Variants in RGS7 observed in about 807,000 individuals in gnomAD.
RGS7 encodes regulator of G-protein signaling 7.
Under a neutral mutation model 81.1 loss-of-function variants are expected in RGS7, and 27 were observed. The ratio of observed to expected loss-of-function variants is 0.33; its 90% CI spans 0.25 to 0.46. The LOEUF (loss-of-function observed/expected upper bound fraction) is 0.46. Ranked by LOEUF, RGS7 falls within the 20% of genes least tolerant of loss-of-function variation. The probability of loss-of-function intolerance (pLI) is 1.00; values close to 1 mark genes in which losing one functional copy is unlikely to be tolerated. For missense variants in RGS7, 396 were observed against 607.4 expected (o/e 0.65, Z 3.66); for synonymous variants, 208 against 207.7 (o/e 1.00, Z -0.01).
At chr1:241,115,398 A>C (rs1486263639) in intron 2 of RGS7, among the ~76,000 whole-genome samples, 1 of 152,202 alleles carries the variant, frequency 6.6e-6, no homozygotes, top group East Asian at 1.9e-4. Flanking sequence ...TATACTGCCC[A>C]GTTAAGAGCC....
At chr1:240,848,662 A>G (rs1228908793) in intron 9 of RGS7, among the ~76,000 whole-genome samples, 1 of 151,942 alleles carries the variant, frequency 6.6e-6, no homozygotes, top group Non-Finnish European at 1.5e-5. Context: ...AAACCTAACA[A>G]GAAATGCATG....
chr1:241,331,781 A>T (rs1314850637), intron 2 of RGS7, among the ~76,000 whole-genome samples: 1 of 152,210 alleles, frequency 6.6e-6, no homozygotes, highest in Non-Finnish European at 1.5e-5. Flanking sequence ...TACAGCTTCT[A>T]TTCAGATATC....
At chr1:241,085,241 T>C (rs7511849) in intron 3 of RGS7, among the ~76,000 whole-genome samples, 37,703 of 152,090 alleles carry the variant, frequency 0.25, 6,413 homozygotes, top group African/African-American at 0.48. Flanking sequence ...TTAATGAATA[T>C]CAAGAACACG....
At chr1:241,270,968 A>T (rs549355574) in intron 2 of RGS7, among the ~76,000 whole-genome samples, 2 of 152,098 alleles carry the variant, frequency 1.3e-5, no homozygotes, top group African/African-American at 2.4e-5. Flanking sequence ...CGTGTTAGCC[A>T]GGATGGTCTC....
At chr1:240,803,086 T>C in intron 15 of RGS7, 93 bp from the exon 16 acceptor site, 1 of 856,016 alleles carries the variant, frequency 1.2e-6, no homozygotes, top group Non-Finnish European at 2.0e-6. Context: ...ACAAATCTAG[T>C]AGCAGCGAAA....
intron 2 of RGS7, among the ~76,000 whole-genome samples, chr1:241,277,020 G>A (rs1042402836): frequency 6.6e-6 from 1 of 152,132 alleles, no homozygotes; most frequent in African/African-American, 2.4e-5. Flanking sequence ...ATCCTAAGAT[G>A]TGCATACAAA....
At chr1:240,851,242 G>T (rs752270275) in intron 9 of RGS7, among the ~76,000 whole-genome samples, 12 of 152,156 alleles carry the variant, frequency 7.9e-5, no homozygotes, top group Non-Finnish European at 1.3e-4. Flanking sequence ...TGATCATTCC[G>T]AAAATTCTAG....
chr1:240,786,675 C>T (rs1241532943), intron 18 of RGS7, among the ~76,000 whole-genome samples: 1 of 152,106 alleles, frequency 6.6e-6, no homozygotes, highest in Non-Finnish European at 1.5e-5. Context: ...GGCACACTGC[C>T]TATGGATTAG....
chr1:241,228,229 A>G, intron 2 of RGS7, among the ~76,000 whole-genome samples: 1 of 152,176 alleles, frequency 6.6e-6, no homozygotes, highest in African/African-American at 2.4e-5. Flanking sequence ...CCCGGCCACA[A>G]TGCCAAAACA....
chr1:241,139,670 C>G (rs910765234), intron 2 of RGS7, among the ~76,000 whole-genome samples: 1 of 152,172 alleles, frequency 6.6e-6, no homozygotes, highest in African/African-American at 2.4e-5. Flanking sequence ...TCCTTGTTGT[C>G]TGTCTTTTTT....
chr1:240,899,431 C>T (rs1046537043), intron 6 of RGS7, among the ~76,000 whole-genome samples: 1 of 152,164 alleles, frequency 6.6e-6, no homozygotes, highest in African/African-American at 2.4e-5. Context: ...ACCAGTTGTT[C>T]CTTTCCATGT....
chr1:240,860,466 T>C (rs1662001411), intron 9 of RGS7, among the ~76,000 whole-genome samples: 1 of 152,172 alleles, frequency 6.6e-6, no homozygotes, highest in African/African-American at 2.4e-5. Context: ...TTCCTCTTTA[T>C]CTCTGATAAT....
At chr1:240,818,899 C>T (rs1691290346) in intron 10 of RGS7, among the ~76,000 whole-genome samples, 1 of 151,686 alleles carries the variant, frequency 6.6e-6, no homozygotes, top group Admixed American at 6.6e-5. Context: ...TAATGTATTC[C>T]ATATTTCAAA....
intron 2 of RGS7, among the ~76,000 whole-genome samples, chr1:241,112,400 A>G (rs1331514830): frequency 1.3e-5 from 2 of 152,154 alleles, no homozygotes; most frequent in Non-Finnish European, 2.9e-5. Context: ...CAGCTGGCTT[A>G]GTCCATGAAA....
intron 4 of RGS7, among the ~76,000 whole-genome samples, chr1:240,944,625 T>C (rs1208466543): frequency 6.6e-6 from 1 of 151,968 alleles, no homozygotes; most frequent in Non-Finnish European, 1.5e-5. Context: ...CAAGCACATG[T>C]GGAAATCATG....
chr1:241,207,636 T>A (rs1053840988), intron 2 of RGS7, among the ~76,000 whole-genome samples: 8 of 152,078 alleles, frequency 5.3e-5, no homozygotes, highest in African/African-American at 1.9e-4. Context: ...AAAGTTATAA[T>A]GGACTTGTTC....
intron 18 of RGS7, among the ~76,000 whole-genome samples, chr1:240,777,107 C>T (rs954652790): frequency 2.6e-5 from 4 of 152,202 alleles, no homozygotes; most frequent in African/African-American, 9.6e-5. Context: ...CCAGCCTGGC[C>T]AACATGGTGA....
chr1:241,289,017 T>A (rs2078962606), intron 2 of RGS7, among the ~76,000 whole-genome samples: 2 of 152,228 alleles, frequency 1.3e-5, no homozygotes, highest in Admixed American at 6.5e-5. Context: ...TCTCTGCAAA[T>A]GCCCAGGCTT....
chr1:241,186,355 A>G, intron 2 of RGS7: 1 of 237,306 alleles, frequency 4.2e-6, no homozygotes, highest in Non-Finnish European at 6.9e-6. Context: ...ACATTCATAA[A>G]GTAACATAGT....
Sources: allele counts gnomAD v4.1 joint callset (sites outside exome capture counted in the v4.1 genomes callset), GRCh38; gene constraint gnomAD v4.1.1; transcripts MANE v1.5; gene names NCBI Gene and HGNC (gene_info 2026-07-23, HGNC 2026-07-21).